Variants in ABCC1 observed in about 807,000 individuals in gnomAD.
ABCC1 encodes multidrug resistance-associated protein 1.
In ABCC1, 83 loss-of-function variants were observed where a neutral mutation model predicts 172.9. The observed-to-expected ratio is 0.48, with a 90% CI of 0.40 to 0.58. The LOEUF (loss-of-function observed/expected upper bound fraction) is 0.58. Ranked by LOEUF, ABCC1 falls within the 20% of genes least tolerant of loss-of-function variation. The pLI is 0.00. For synonymous variants in ABCC1, 937 were observed against 825.2 expected, an observed-to-expected ratio of 1.14 and a Z score of -2.32; for missense variants, 1,817 against 2,002.7, an observed-to-expected ratio of 0.91 and a Z score of 1.77.
At chr16:16,017,222 T>A (rs2048032112) in intron 5 of ABCC1, among the ~76,000 whole-genome samples, 1 of 152,154 alleles carries the variant, frequency 6.6e-6, no homozygotes, top group Non-Finnish European at 1.5e-5. Flanking sequence ...TTTATTAATT[T>A]CCCTTAATTC....
chr16:15,999,334 C>T (rs556521625), intron 1 of ABCC1, among the ~76,000 whole-genome samples: 287 of 152,020 alleles, frequency 1.9e-3, no homozygotes, highest in African/African-American at 6.7e-3. Context: ...AATGGGGTCT[C>T]GCTGGGTGCG....
intron 13 of ABCC1, among the ~76,000 whole-genome samples, chr16:16,070,509 A>G (rs942477233): frequency 4.0e-5 from 6 of 151,802 alleles, no homozygotes; most frequent in Admixed American, 3.3e-4. Flanking sequence ...CTAAAAATAT[A>G]AAAAAATTAG....
At chr16:16,062,538 G>C (rs45489194) in intron 12 of ABCC1, among the ~76,000 whole-genome samples, 26,195 of 152,020 alleles carry the variant, frequency 0.17, 3,653 homozygotes, top group African/African-American at 0.39. Context: ...CTTTTCTTGA[G>C]CTTTCTTGCC....
At chr16:16,077,590 T>C (rs2050628369) in intron 15 of ABCC1, among the ~76,000 whole-genome samples, 1 of 152,152 alleles carries the variant, frequency 6.6e-6, no homozygotes, top group Non-Finnish European at 1.5e-5. Context: ...ATTGTCTCAC[T>C]GGGCTTCCTG....
chr16:15,950,013 G>A (rs1015183813), intron 1 of ABCC1, among the ~76,000 whole-genome samples: 2 of 152,046 alleles, frequency 1.3e-5, no homozygotes, highest in South Asian at 2.1e-4. Context: ...AGCAGAGCGT[G>A]GGGGGCCGCG....
At chr16:16,005,998 A>G (rs1435813536) in intron 1 of ABCC1, among the ~76,000 whole-genome samples, 2 of 151,450 alleles carry the variant, frequency 1.3e-5, no homozygotes, top group African/African-American at 2.4e-5. Context: ...TGTCAAGAAA[A>G]AAAAAAATAA....
intron 20 of ABCC1, among the ~76,000 whole-genome samples, chr16:16,103,716 G>T (rs181133131): frequency 2.8e-4 from 43 of 152,282 alleles, no homozygotes; most frequent in African/African-American, 9.6e-4. Flanking sequence ...TTGCTACAGG[G>T]GTCAGGAGAG....
chr16:16,116,077 T>G (rs192606213), intron 23 of ABCC1, among the ~76,000 whole-genome samples: 7,638 of 151,986 alleles, frequency 0.05, 310 homozygotes, highest in Admixed American at 0.12. Context: ...TAATTTTTTT[T>G]GTATTTTCAG....
At chr16:16,046,834 C>T (rs982639306) in intron 9 of ABCC1, among the ~76,000 whole-genome samples, 2 of 150,018 alleles carry the variant, frequency 1.3e-5, no homozygotes, top group Admixed American at 6.7e-5. Flanking sequence ...GACAGTCTTG[C>T]AGGTACTTGA....
chr16:16,115,903 CTT>C (rs1018179679), intron 23 of ABCC1, among the ~76,000 whole-genome samples: 2 of 143,634 alleles, frequency 1.4e-5, no homozygotes. Context: ...TTCTTTCTTT[CTT>C]TTTTTTTTTT....
intron 20 of ABCC1, chr16:16,106,522 C>A: frequency 1.9e-6 from 1 of 527,094 alleles, no homozygotes; most frequent in East Asian, 3.2e-5. Flanking sequence ...CTCATTCCTG[C>A]CTGAGACACT....
chr16:16,043,068 G>T (rs1455497823), intron 7 of ABCC1, among the ~76,000 whole-genome samples: 1 of 151,546 alleles, frequency 6.6e-6, no homozygotes, highest in Non-Finnish European at 1.5e-5. Flanking sequence ...TTGCCATGTT[G>T]GTCAGGGTGT....
intron 19 of ABCC1, among the ~76,000 whole-genome samples, chr16:16,091,185 T>G (rs556754266): frequency 7.2e-5 from 11 of 151,962 alleles, no homozygotes; most frequent in African/African-American, 2.7e-4. Context: ...TCCCAACACA[T>G]AGAGAGGCTG....
intron 30 of ABCC1, among the ~76,000 whole-genome samples, chr16:16,140,534 C>T (rs975731441): frequency 6.6e-6 from 1 of 152,144 alleles, no homozygotes; most frequent in Admixed American, 6.5e-5. Flanking sequence ...GTACCACCTA[C>T]TAAGTGGCAG....
intron 12 of ABCC1, among the ~76,000 whole-genome samples, chr16:16,060,853 T>G (rs924708520): frequency 1.3e-5 from 2 of 151,676 alleles, no homozygotes; most frequent in African/African-American, 4.8e-5. Flanking sequence ...AGTCTTGCTC[T>G]CTCGCCAGGC....
chr16:15,984,017 C>T (rs215063), intron 1 of ABCC1, among the ~76,000 whole-genome samples: 96,683 of 151,988 alleles, frequency 0.64, 31,656 homozygotes, highest in South Asian at 0.73. Context: ...TAAGCAAAGC[C>T]GGATTGGTGT....
intron 15 of ABCC1, among the ~76,000 whole-genome samples, chr16:16,077,257 A>G (rs2151976352): frequency 6.6e-6 from 1 of 152,316 alleles, no homozygotes; most frequent in Admixed American, 6.5e-5. Flanking sequence ...GTATTTTATG[A>G]TGAAGGAGAG....
At chr16:16,115,295 C>T (rs1173989554) in intron 23 of ABCC1, among the ~76,000 whole-genome samples, 6 of 152,270 alleles carry the variant, frequency 3.9e-5, no homozygotes, top group Non-Finnish European at 8.8e-5. Context: ...TTTTACTTTT[C>T]CACCTGTCAA....
chr16:16,124,661 C>A, intron 24 of ABCC1, 128 bp from the exon 25 acceptor site: 1 of 1,350,904 alleles, frequency 7.4e-7, no homozygotes, highest in Non-Finnish European at 1.0e-6. Flanking sequence ...CCAGGAAGGA[C>A]TCTCTCTGGA....
Sources: allele counts gnomAD v4.1 joint callset (sites outside exome capture counted in the v4.1 genomes callset), GRCh38; gene constraint gnomAD v4.1.1; transcripts MANE v1.5; gene names NCBI Gene and HGNC (gene_info 2026-07-23, HGNC 2026-07-21).